The following TRPM3 variants were observed in gnomAD, a reference collection of about 807,000 sequenced individuals.
The protein encoded by TRPM3 is transient receptor potential cation channel subfamily M member 3.
A neutral mutation model predicts 181.2 loss-of-function variants in TRPM3; 77 were observed. That is an observed-to-expected ratio of 0.42 (90% CI 0.35 to 0.51). The LOEUF is 0.51. TRPM3 is among the 20% of genes least tolerant of loss of function. TRPM3 has a pLI of 0.01. For missense variants in TRPM3, 1,759 were observed against 2,196.7 expected, an observed-to-expected ratio of 0.80 and a Z score of 3.98; for synonymous variants, 745 against 796.4, an observed-to-expected ratio of 0.94 and a Z score of 1.09.
intron 6 of TRPM3, among the ~76,000 whole-genome samples, chr9:70,818,479 C>G (rs1448144367): frequency 6.6e-6 from 1 of 152,174 alleles, no homozygotes; most frequent in East Asian, 1.9e-4. Flanking sequence ...TTGCCTCTCC[C>G]CAAAGTCAGC....
intron 1 of TRPM3, among the ~76,000 whole-genome samples, chr9:71,359,724 T>C (rs2092063390): frequency 6.6e-6 from 1 of 152,152 alleles, no homozygotes; most frequent in African/African-American, 2.4e-5. Flanking sequence ...GAAAATTTCA[T>C]TATTTTCAGG....
At chr9:70,932,944 G>A (rs2096789719) in intron 1 of TRPM3, among the ~76,000 whole-genome samples, 2 of 152,180 alleles carry the variant, frequency 1.3e-5, no homozygotes, top group South Asian at 4.1e-4. Context: ...AGAAGAGATG[G>A]TGAGAAGTAG....
chr9:70,995,888 C>G (rs1737789849), intron 1 of TRPM3, among the ~76,000 whole-genome samples: 1 of 152,194 alleles, frequency 6.6e-6, no homozygotes, highest in Non-Finnish European at 1.5e-5. Context: ...CCATTTCTGA[C>G]AATTCTAGAA....
chr9:71,244,566 C>A (rs997645070), intron 1 of TRPM3, among the ~76,000 whole-genome samples: 2 of 152,168 alleles, frequency 1.3e-5, no homozygotes, highest in Non-Finnish European at 2.9e-5. Flanking sequence ...ACATCAAAAA[C>A]CCATTGGGAA....
intron 1 of TRPM3, among the ~76,000 whole-genome samples, chr9:71,034,987 C>T (rs2058019707): frequency 6.6e-6 from 1 of 151,910 alleles, no homozygotes; most frequent in Non-Finnish European, 1.5e-5. Context: ...TACAAAATAT[C>T]TTAACACTGT....
intron 1 of TRPM3, among the ~76,000 whole-genome samples, chr9:71,018,463 A>T (rs2097804969): frequency 6.6e-6 from 1 of 151,866 alleles, no homozygotes; most frequent in South Asian, 2.1e-4. Flanking sequence ...GCAAAAAACC[A>T]ATCTTGTAAA....
chr9:71,063,130 C>G (rs144568951), intron 1 of TRPM3, among the ~76,000 whole-genome samples: 231 of 152,124 alleles, frequency 1.5e-3, no homozygotes, highest in Non-Finnish European at 2.6e-3. Flanking sequence ...CCATACTGGT[C>G]ACATCATCAA....
intron 1 of TRPM3, among the ~76,000 whole-genome samples, chr9:71,089,854 A>G (rs2065909522): frequency 6.6e-6 from 1 of 152,132 alleles, no homozygotes; most frequent in Admixed American, 6.6e-5. Flanking sequence ...GAGGAGCTCT[A>G]CATCAGGGTG....
At chr9:71,241,176 G>C (rs1257613622) in intron 1 of TRPM3, among the ~76,000 whole-genome samples, 1 of 152,158 alleles carries the variant, frequency 6.6e-6, no homozygotes, top group Middle Eastern at 3.4e-3. Context: ...CCTCCAAACA[G>C]ACCTTGAACC....
chr9:70,854,350 G>A (rs765952630), intron 3 of TRPM3, among the ~76,000 whole-genome samples: 31 of 152,302 alleles, frequency 2.0e-4, no homozygotes, highest in South Asian at 6.2e-4. Context: ...TTGGCAATTT[G>A]AGCATCCTCT....
At chr9:71,025,327 C>G (rs1658482376) in intron 1 of TRPM3, among the ~76,000 whole-genome samples, 1 of 152,154 alleles carries the variant, frequency 6.6e-6, no homozygotes, top group South Asian at 2.1e-4. Context: ...CCGAGTGGTG[C>G]AGAAGTAGCT....
chr9:70,772,701 C>T (rs968009639), intron 7 of TRPM3, among the ~76,000 whole-genome samples: 1 of 152,170 alleles, frequency 6.6e-6, no homozygotes, highest in Non-Finnish European at 1.5e-5. Context: ...TAGGCAGGGA[C>T]AAGTGGGACA....
chr9:70,664,222 T>C (rs1217986829), intron 9 of TRPM3, among the ~76,000 whole-genome samples: 12 of 152,208 alleles, frequency 7.9e-5, no homozygotes, highest in Non-Finnish European at 1.2e-4. Flanking sequence ...TTAGGTATCA[T>C]TGAATTTTCA....
chr9:70,566,828 C>T (rs552908761), intron 22 of TRPM3, among the ~76,000 whole-genome samples: 8 of 152,300 alleles, frequency 5.3e-5, no homozygotes, highest in South Asian at 2.1e-4. Context: ...AAGGAAAATG[C>T]GTGCCAGGGA....
rs570709273 is a variant in TRPM3 at position 71,194,712 on chromosome 9, T to C, written c.183+251941A>G. 3.3e-5 allele frequency among the ~76,000 whole-genome samples: 5 copies of C among 151,972 alleles called. No homozygotes were observed. The South Asian group carries it at 8.3e-4, about 25-fold the overall frequency. ...CTTTACCTTAAATAATACACATACA[T>C]TGGAAAATATGTTTTAGCCATAAAC... On this transcript the variant is annotated intron_variant, in intron 1 of 24. Transcript: ENST00000357533.
intron 1 of TRPM3, among the ~76,000 whole-genome samples, chr9:71,187,475 C>T (rs538639607): frequency 5.3e-4 from 80 of 152,020 alleles, no homozygotes; most frequent in African/African-American, 1.8e-3. Flanking sequence ...ATGCTCTCTT[C>T]GTCTCTTACC....
chr9:70,638,918 G>A, intron 11 of TRPM3, 142 bp downstream of exon 11: 5 of 931,786 alleles, frequency 5.4e-6, no homozygotes, highest in South Asian at 3.7e-5. Flanking sequence ...TGTCATCTAT[G>A]TAGGTCTAAG....
At chr9:70,962,781 G>T (rs2097149412) in intron 1 of TRPM3, among the ~76,000 whole-genome samples, 1 of 151,968 alleles carries the variant, frequency 6.6e-6, no homozygotes, top group Non-Finnish European at 1.5e-5. Context: ...TTACTGTATG[G>T]TACCTTGCGT....
At chr9:70,852,633 C>G (rs931736264) in intron 3 of TRPM3, among the ~76,000 whole-genome samples, 1 of 152,184 alleles carries the variant, frequency 6.6e-6, no homozygotes, top group Non-Finnish European at 1.5e-5. Flanking sequence ...GAGACACCAA[C>G]AGGCAGATTT....
Sources: allele counts gnomAD v4.1 joint callset (sites outside exome capture counted in the v4.1 genomes callset), GRCh38; gene constraint gnomAD v4.1.1; transcripts MANE v1.5; gene names NCBI Gene and HGNC (gene_info 2026-07-23, HGNC 2026-07-21).